The following PTPRD variants were observed in gnomAD, a reference collection of about 807,000 sequenced individuals.
PTPRD encodes receptor-type tyrosine-protein phosphatase delta.
PTPRD carries 34 observed loss-of-function variants against 214.5 expected under a neutral mutation model. The observed-to-expected ratio is 0.16, with a 90% CI of 0.12 to 0.21. PTPRD has a LOEUF of 0.21. PTPRD is among the 10% of genes least tolerant of loss of function. PTPRD has a pLI of 1.00. For missense variants in PTPRD, 2,545 were observed against 2,398.7 expected (o/e 1.06, Z -1.27); for synonymous variants, 1,128 against 845.7 (o/e 1.33, Z -5.79).
intron 5 of PTPRD, among the ~76,000 whole-genome samples, chr9:9,782,416 G>A (rs765009163): frequency 6.6e-6 from 1 of 152,132 alleles, no homozygotes; most frequent in Non-Finnish European, 1.5e-5. Context: ...CTGTCAATTG[G>A]AGGAACACAT....
intron 7 of PTPRD, among the ~76,000 whole-genome samples, chr9:9,594,801 C>G (rs2093122476): frequency 6.6e-6 from 1 of 152,072 alleles, no homozygotes; most frequent in African/African-American, 2.4e-5. Flanking sequence ...AGACAACCCA[C>G]AGAGTGGGAG....
At chr9:9,825,414 G>T (rs1407126285) in intron 5 of PTPRD, among the ~76,000 whole-genome samples, 1 of 150,262 alleles carries the variant, frequency 6.7e-6, no homozygotes. Flanking sequence ...GAAAGAGAGA[G>T]AGAAAGAAAA....
chr9:9,504,997 A>T (rs62533238), intron 8 of PTPRD, among the ~76,000 whole-genome samples: 10,305 of 151,728 alleles, frequency 0.068, 449 homozygotes, highest in South Asian at 0.16. Flanking sequence ...GACTAGCTCA[A>T]CAACTACTTA....
At chr9:9,871,969 G>C (rs1400333073) in intron 5 of PTPRD, among the ~76,000 whole-genome samples, 2 of 152,236 alleles carry the variant, frequency 1.3e-5, no homozygotes, top group Non-Finnish European at 1.5e-5. Flanking sequence ...CACTCTACAT[G>C]TATAACTTCA....
At chr9:9,356,870 G>C (rs1423279319) in intron 9 of PTPRD, among the ~76,000 whole-genome samples, 7 of 151,340 alleles carry the variant, frequency 4.6e-5, no homozygotes, top group Non-Finnish European at 1.0e-4. Context: ...CTTTGTATAA[G>C]AGATAAGATA....
chr9:9,178,872 A>T (rs557990312), intron 10 of PTPRD, among the ~76,000 whole-genome samples: 17 of 152,238 alleles, frequency 1.1e-4, no homozygotes, highest in Admixed American at 1.3e-4. Context: ...GTCTACATAC[A>T]CAATTAACCT....
At chr9:10,190,718 CAAA>C (rs57891244) in intron 3 of PTPRD, among the ~76,000 whole-genome samples, 1 of 44,214 alleles carries the variant, frequency 2.3e-5, no homozygotes, top group Non-Finnish European at 4.3e-5. Context: ...AACTCTGTCT[CAAA>C]AAAAAAAAAA....
intron 5 of PTPRD, among the ~76,000 whole-genome samples, chr9:9,772,221 A>G (rs1190087755): frequency 2.0e-5 from 3 of 152,146 alleles, no homozygotes; most frequent in African/African-American, 7.2e-5. Flanking sequence ...GAAGACACAG[A>G]GAAGACGGCC....
intron 3 of PTPRD, among the ~76,000 whole-genome samples, chr9:10,076,701 C>T (rs1435628347): frequency 6.6e-6 from 1 of 152,058 alleles, no homozygotes; most frequent in Non-Finnish European, 1.5e-5. Flanking sequence ...TGAGCATGCC[C>T]CTTGTGCTGC....
intron 5 of PTPRD, among the ~76,000 whole-genome samples, chr9:9,919,672 G>A (rs186595951): frequency 4.7e-4 from 72 of 152,234 alleles, no homozygotes; most frequent in Non-Finnish European, 4.3e-4. Context: ...TTAATGATTT[G>A]CATTTTAAAA....
intron 44 of PTPRD, 146 bp downstream of exon 44, chr9:8,331,436 A>AT: frequency 1.0e-6 from 1 of 966,622 alleles, no homozygotes; most frequent in Non-Finnish European, 1.5e-6. Context: ...CTTTATGAAA[A>AT]GAAAGAGAAA....
chr9:9,771,787 T>C (rs57793026), intron 5 of PTPRD, among the ~76,000 whole-genome samples: 1 of 152,150 alleles, frequency 6.6e-6, no homozygotes, highest in African/African-American at 2.4e-5. Flanking sequence ...TCAAATAAAA[T>C]TATTATTAAA....
intron 5 of PTPRD, among the ~76,000 whole-genome samples, chr9:9,891,261 A>C (rs1441030361): frequency 6.6e-6 from 1 of 152,166 alleles, no homozygotes; most frequent in East Asian, 1.9e-4. Flanking sequence ...ATGGACTTTC[A>C]AAGAAATATG....
chr9:9,077,480 A>G (rs73393913), intron 10 of PTPRD, among the ~76,000 whole-genome samples: 2,910 of 152,168 alleles, frequency 0.019, 82 homozygotes, highest in African/African-American at 0.066. Flanking sequence ...CAAAGTCAAT[A>G]TAAGATGTGG....
chr9:8,623,588 T>C (rs1351436862), intron 14 of PTPRD, among the ~76,000 whole-genome samples: 1 of 151,922 alleles, frequency 6.6e-6, no homozygotes, highest in Non-Finnish European at 1.5e-5. Flanking sequence ...ATCATAGTAA[T>C]ACTAGTGATG....
At chr9:10,215,789 T>C (rs1036788874) in intron 3 of PTPRD, among the ~76,000 whole-genome samples, 1 of 152,030 alleles carries the variant, frequency 6.6e-6, no homozygotes, top group African/African-American at 2.4e-5. Context: ...TATACTTGTT[T>C]AATACAATGT....
chr9:9,773,462 C>T (rs1184728293), intron 5 of PTPRD, among the ~76,000 whole-genome samples: 4 of 152,096 alleles, frequency 2.6e-5, no homozygotes, highest in Non-Finnish European at 5.9e-5. Flanking sequence ...TAAAACTTCC[C>T]CTTTCTCATT....
At chr9:9,924,007 T>G (rs1016977089) in intron 5 of PTPRD, among the ~76,000 whole-genome samples, 10 of 152,020 alleles carry the variant, frequency 6.6e-5, no homozygotes, top group Admixed American at 4.6e-4. Context: ...TTTTGTATAT[T>G]TGAAATTTGA....
intron 3 of PTPRD, among the ~76,000 whole-genome samples, chr9:10,298,091 C>G (rs12380772): frequency 6.6e-6 from 1 of 151,930 alleles, no homozygotes; most frequent in Non-Finnish European, 1.5e-5. Context: ...AATTTGGAGG[C>G]GCTTGCATTA....
Sources: allele counts gnomAD v4.1 joint callset (sites outside exome capture counted in the v4.1 genomes callset), GRCh38; gene constraint gnomAD v4.1.1; transcripts MANE v1.5; gene names NCBI Gene and HGNC (gene_info 2026-07-23, HGNC 2026-07-21).